Variants in SLC14A2 observed in about 807,000 individuals in gnomAD.
SLC14A2 encodes urea transporter 2.
A neutral mutation model predicts 104.6 loss-of-function variants in SLC14A2; 91 were observed. The observed-to-expected ratio is 0.87, with a 90% CI of 0.73 to 1.04. The LOEUF (loss-of-function observed/expected upper bound fraction) is 1.04. Among genes scored for constraint, SLC14A2 ranks in the 50% least tolerant of loss-of-function variants. The pLI is 0.00. For synonymous variants in SLC14A2, 476 were observed against 466.4 expected (o/e 1.02, Z -0.27); for missense variants, 1,189 against 1,156.0 (o/e 1.03, Z -0.41).
At chr18:45,601,072 C>A (rs998177586) in intron 2 of SLC14A2, among the ~76,000 whole-genome samples, 3 of 152,208 alleles carry the variant, frequency 2.0e-5, no homozygotes, top group African/African-American at 7.2e-5. Flanking sequence ...ATCCTTACCA[C>A]TTCCCTAGGC....
At chr18:45,445,106 C>CTTTTTTT (rs34188378) in intron 1 of SLC14A2, among the ~76,000 whole-genome samples, 3 of 94,730 alleles carry the variant, frequency 3.2e-5, no homozygotes, top group East Asian at 3.2e-4. Flanking sequence ...AATTGACATG[C>CTTTTTTT]TTTTTTTTTT....
intron 11 of SLC14A2, among the ~76,000 whole-genome samples, chr18:45,665,252 A>AC (rs1256807783): frequency 2.0e-5 from 3 of 152,184 alleles, no homozygotes; most frequent in Admixed American, 6.5e-5. Context: ...GTCTGAAAAC[A>AC]CAGGGTAGTC....
chr18:45,617,499 G>A (rs952921031), intron 1 of SLC14A2, among the ~76,000 whole-genome samples: 2 of 151,992 alleles, frequency 1.3e-5, no homozygotes, highest in African/African-American at 4.8e-5. Flanking sequence ...TTACTAACTT[G>A]GAGCTGCCAA....
intron 1 of SLC14A2, among the ~76,000 whole-genome samples, chr18:45,268,313 G>A (rs886223974): frequency 6.6e-6 from 1 of 152,154 alleles, no homozygotes; most frequent in Non-Finnish European, 1.5e-5. Context: ...TCAAACTATA[G>A]GAGAAGTAGA....
chr18:45,334,475 C>G (rs760030860), intron 1 of SLC14A2, among the ~76,000 whole-genome samples: 1 of 152,074 alleles, frequency 6.6e-6, no homozygotes, highest in Non-Finnish European at 1.5e-5. Flanking sequence ...TAGCAAATTC[C>G]CATTACACCA....
chr18:45,226,787 T>A (rs549412719), intron 1 of SLC14A2, among the ~76,000 whole-genome samples: 2 of 151,672 alleles, frequency 1.3e-5, no homozygotes, highest in African/African-American at 4.9e-5. Flanking sequence ...GTTGTGCACA[T>A]GTACCCTAGA....
In SLC14A2 at chr18:45,417,848, G is replaced by A. The variant is rs565660032; in HGVS notation, c.-124-65385G>A. The stretch of plus-strand genomic sequence containing the variant: ...ATATTTTTTAAAGAATGCATTCAAG[G>A]AGGAAAGGACTTTTTTAAGTTCCCA... On this transcript the variant is annotated intron_variant, in intron 1 of 20. Transcript: ENST00000586448. Among the ~76,000 whole-genome samples, 13 of 152,254 alleles carry A rather than the reference G, an allele frequency of 8.5e-5. No individual in the cohort carries two copies. The East Asian group carries it at 2.5e-3, about 29-fold the overall frequency.
intron 1 of SLC14A2, among the ~76,000 whole-genome samples, chr18:45,379,061 CACTTTT>C (rs2085805797): frequency 1.3e-5 from 2 of 152,178 alleles, no homozygotes; most frequent in African/African-American, 4.8e-5. Context: ...TTCTCTGCCC[CACTTTT>C]ACTTTTACCC....
chr18:45,643,658 C>T (rs2045571109), intron 9 of SLC14A2, among the ~76,000 whole-genome samples: 1 of 152,204 alleles, frequency 6.6e-6, no homozygotes, highest in African/African-American at 2.4e-5. Flanking sequence ...TTCAGCCTCC[C>T]AAGTAGCTGG....
chr18:45,380,905 T>A (rs2085827751), intron 1 of SLC14A2, among the ~76,000 whole-genome samples: 1 of 152,240 alleles, frequency 6.6e-6, no homozygotes, highest in Non-Finnish European at 1.5e-5. Flanking sequence ...TTAGCCTTGT[T>A]ATCGGGGATC....
In SLC14A2 at chr18:45,457,378, G is replaced by T. The variant is rs559049960; in HGVS notation, c.-124-25855G>T. On this transcript the variant is annotated intron_variant, in intron 1 of 20. Transcript: ENST00000586448. ...TGGTGGATTTAGAGAGAAGCAACATGCAGGGGGTCTCCAAAGTCAACTGCA... is the reference window on the plus strand; with the variant it reads ...TGGTGGATTTAGAGAGAAGCAACATTCAGGGGGTCTCCAAAGTCAACTGCA... 3.3e-5 allele frequency among the ~76,000 whole-genome samples: 5 copies of T among 152,274 alleles called. No individual in the cohort carries two copies. In the South Asian group the frequency reaches 1.0e-3, roughly 32 times the overall value.
chr18:45,562,796 G>A (rs772881668), intron 2 of SLC14A2, among the ~76,000 whole-genome samples: 4 of 152,276 alleles, frequency 2.6e-5, no homozygotes, highest in African/African-American at 7.2e-5. Context: ...ATTCTCCCTG[G>A]GGGGAAGGGG....
intron 13 of SLC14A2, 131 bp from the exon 14 acceptor site, chr18:45,667,702 C>T: frequency 1.5e-6 from 1 of 680,352 alleles, no homozygotes; most frequent in Non-Finnish European, 2.6e-6. Flanking sequence ...TCTTTGGTGG[C>T]AGGTGACAGC....
At chr18:45,576,762 G>T (rs112171267) in intron 2 of SLC14A2, among the ~76,000 whole-genome samples, 1 of 152,228 alleles carries the variant, frequency 6.6e-6, no homozygotes, top group South Asian at 2.1e-4. Flanking sequence ...GAGGCCAATG[G>T]ATCAAGAGAC....
At chr18:45,674,526 G>C (rs2046194809) in intron 18 of SLC14A2, among the ~76,000 whole-genome samples, 1 of 151,902 alleles carries the variant, frequency 6.6e-6, no homozygotes. Context: ...AGATACGAAG[G>C]GTAAAGCTGC....
chr18:45,541,219 G>A (rs1297673325), intron 2 of SLC14A2, among the ~76,000 whole-genome samples: 2 of 152,190 alleles, frequency 1.3e-5, no homozygotes, highest in Non-Finnish European at 2.9e-5. Context: ...GTGTATGTGT[G>A]TGTGTGCACA....
intron 10 of SLC14A2, among the ~76,000 whole-genome samples, chr18:45,659,092 A>G (rs1202381612): frequency 6.6e-6 from 1 of 152,134 alleles, no homozygotes; most frequent in Non-Finnish European, 1.5e-5. Flanking sequence ...CAGCTCCTAC[A>G]CCAAGCAGGT....
chr18:45,578,921 C>G (rs898798059), intron 2 of SLC14A2, among the ~76,000 whole-genome samples: 2 of 152,210 alleles, frequency 1.3e-5, no homozygotes, highest in Non-Finnish European at 2.9e-5. Flanking sequence ...TGTCTGTGGG[C>G]AGCTAGAAGG....
intron 1 of SLC14A2, among the ~76,000 whole-genome samples, chr18:45,388,249 A>T (rs549652225): frequency 2.0e-5 from 3 of 151,744 alleles, no homozygotes; most frequent in Admixed American, 6.6e-5. Flanking sequence ...TTTTTAGTAG[A>T]GATGGGGTCT....
Sources: gnomAD v4.1 joint callset for allele counts (sites outside exome capture counted in the v4.1 genomes callset) on GRCh38, gnomAD v4.1.1 for gene constraint, MANE v1.5 for transcripts, NCBI Gene and HGNC (gene_info 2026-07-23, HGNC 2026-07-21) for gene names.